MYO9A: variants seen among roughly 807,000 people sequenced by gnomAD.
MYO9A encodes the protein unconventional myosin-IXa.
Under a neutral mutation model 293.3 loss-of-function variants are expected in MYO9A, and 103 were observed. The ratio of observed to expected loss-of-function variants is 0.35; its 90% CI spans 0.30 to 0.41. The LOEUF is 0.41. MYO9A is among the 10% of genes least tolerant of loss of function. The pLI is 1.00. For synonymous variants in MYO9A, 1,001 were observed against 1,035.7 expected (o/e 0.97, Z 0.64); for missense variants, 2,685 against 3,033.0 (o/e 0.89, Z 2.69).
chr15:71,974,988 C>T (rs1055695025), intron 12 of MYO9A, among the ~76,000 whole-genome samples: 1 of 152,176 alleles, frequency 6.6e-6, no homozygotes, highest in African/African-American at 2.4e-5. Context: ...ATTACATTAA[C>T]ACATTTAAAG....
Position 71,827,050 on chromosome 15 carries a change from C to A in MYO9A, c.7184-7G>T. On this transcript the variant is annotated splice_polypyrimidine_tract_variant and splice_region_variant and intron_variant, in intron 41 of 41. Coordinates refer to ENST00000356056, the MANE Select transcript of MYO9A (RefSeq NM_006901.4). ...CTAAGGGCTAAGCTTCTTTCTAATG[C>A]AAAAAAGAGACCAAAGATGTAAATG... The A allele has an allele frequency of 1.3e-6, 2 of 1,542,026 alleles. No homozygotes were observed. The highest frequency in any genetic ancestry group is 1.3e-5 in the South Asian group (1 of 79,584).
chr15:72,068,193 G>A (rs2079077010), intron 1 of MYO9A, among the ~76,000 whole-genome samples: 1 of 151,972 alleles, frequency 6.6e-6, no homozygotes, highest in Non-Finnish European at 1.5e-5. Flanking sequence ...TCTACATAAA[G>A]ATATTAAGTA....
Position 71,854,538 on chromosome 15 carries a change from C to T in MYO9A, c.6185G>A (p.Gly2062Glu). 1 of 1,604,318 alleles carries T rather than the reference C, an allele frequency of 6.2e-7. No individual in the cohort carries two copies. Among genetic ancestry groups the T allele is most frequent in the Non-Finnish European group, 8.5e-7 (1 of 1,176,576 alleles). The change falls in exon 35 of 42, where the codon GGG becomes GAG. Residue 2062 changes from glycine to glutamate, a missense_variant. Gly to Glu is a moderately conservative substitution (Grantham distance 98). This residue lies in a region of MYO9A where 238 missense variants were observed against 269.1 expected (regional missense o/e 0.88). Transcript: ENST00000356056. ...YDPELSSRQF[G>E]VELSRLTSED... ...ACTGGTCAAACGGGACAGTTCAACC[C>T]CAAATTGTCGAGATGACAGCTCTGG...
intron 19 of MYO9A, among the ~76,000 whole-genome samples, chr15:71,911,646 A>G (rs16956382): frequency 0.013 from 1,916 of 152,322 alleles, 57 homozygotes; most frequent in Admixed American, 0.057. Context: ...CTTTTAAAAA[A>G]CTACTAAGTA....
chr15:72,054,603 A>C (rs2078664543), intron 1 of MYO9A, among the ~76,000 whole-genome samples: 1 of 145,450 alleles, frequency 6.9e-6, no homozygotes, highest in African/African-American at 2.5e-5. Context: ...CCCAGGAGGC[A>C]GACGTTGAAG....
At position 71,880,565 on chromosome 15, in the gene MYO9A, T is replaced by C. The variant is rs370578066; in HGVS notation, c.5399-7A>G. ...GGGTGATATGCAGCTAATTCTACAA[T>C]TCAAGATAGAAGACCCAAAAGGACA... On this transcript the variant is annotated splice_region_variant and splice_polypyrimidine_tract_variant and intron_variant, in intron 28 of 41. Coordinates refer to ENST00000356056, the MANE Select transcript of MYO9A (RefSeq NM_006901.4). 6.2e-7 allele frequency: 1 copy of C among 1,608,818 alleles called. No individual in the cohort carries two copies. The highest frequency in any genetic ancestry group is 8.5e-7 in the Non-Finnish European group (1 of 1,176,622).
intron 12 of MYO9A, among the ~76,000 whole-genome samples, chr15:71,976,880 C>T (rs1257533178): frequency 6.6e-6 from 1 of 152,168 alleles, no homozygotes; most frequent in Non-Finnish European, 1.5e-5. Context: ...AATCATCTTA[C>T]CTCTAATAGT....
intron 1 of MYO9A, among the ~76,000 whole-genome samples, chr15:72,101,272 G>A (rs1261948841): frequency 4.7e-5 from 6 of 126,804 alleles, no homozygotes; most frequent in African/African-American, 1.5e-4. Flanking sequence ...CCGGCCAGCC[G>A]CCCCGTCAGG....
In MYO9A at chr15:71,928,440, T is replaced by C. The variant is rs186101488; in HGVS notation, c.2562+5230A>G. Among the ~76,000 whole-genome samples the C allele has an allele frequency of 3.1e-3, 467 of 152,086 alleles. 6 individuals are homozygous for C. The highest frequency in any genetic ancestry group is 3.2e-3 in the Admixed American group (49 of 15,268). ...TGGCTATTTGGGGTTTTTTTGTGTA[T>C]TCATATGAATTTCAGGATTTTTTTT... is the stretch of plus-strand genomic sequence containing the variant. On this transcript the variant is annotated intron_variant, in intron 18 of 41. Transcript: ENST00000356056.
chr15:72,056,090 T>C (rs559901247), intron 1 of MYO9A, among the ~76,000 whole-genome samples: 2 of 152,232 alleles, frequency 1.3e-5, no homozygotes, highest in East Asian at 1.9e-4. Context: ...TAGCTGGGCA[T>C]GGTGGCACGG....
intron 8 of MYO9A, among the ~76,000 whole-genome samples, chr15:72,002,261 T>C (rs535648677): frequency 7.4e-4 from 113 of 152,010 alleles, no homozygotes; most frequent in African/African-American, 2.6e-3. Flanking sequence ...TTTTTTTTTT[T>C]TTTTAGACAG....
chr15:71,902,873 A>G, intron 22 of MYO9A, 68 bp downstream of exon 22: 1 of 1,234,976 alleles, frequency 8.1e-7, no homozygotes. Context: ...ACAATCTCAT[A>G]GGCAAAAATT....
intron 39 of MYO9A, among the ~76,000 whole-genome samples, chr15:71,838,476 C>T (rs942896458): frequency 1.2e-4 from 19 of 152,244 alleles, no homozygotes; most frequent in African/African-American, 4.6e-4. Flanking sequence ...ACTCTTAATG[C>T]AAGTACTGGA....
intron 14 of MYO9A, among the ~76,000 whole-genome samples, chr15:71,956,131 C>G (rs993658196): frequency 2.0e-5 from 3 of 149,300 alleles, no homozygotes; most frequent in African/African-American, 7.4e-5. Flanking sequence ...ACAGCAAGAC[C>G]CACCTCCAAA....
chr15:72,041,653 T>C (rs2078229506), intron 2 of MYO9A: 2 of 229,470 alleles, frequency 8.7e-6, no homozygotes, highest in South Asian at 7.9e-5. Context: ...TCGTACACCA[T>C]GGTGAGCTGG....
At chr15:71,865,366 A>G (rs1474081975) in intron 32 of MYO9A, among the ~76,000 whole-genome samples, 2 of 152,240 alleles carry the variant, frequency 1.3e-5, no homozygotes, top group Non-Finnish European at 2.9e-5. Flanking sequence ...ATGAATTTTC[A>G]TAGCAGCATT....
chr15:71,960,576 G>A lies in MYO9A; in HGVS notation c.1987-480C>T, dbSNP rs576130171. Among the ~76,000 whole-genome samples, 153 of 152,262 alleles carry A rather than the reference G, an allele frequency of 1.0e-3. 1 individual carries two copies. The highest frequency in any genetic ancestry group is 1.5e-3 in the Admixed American group (23 of 15,294). ...GTTTCTTTATAGAAACATAAGAATG[G>A]ACTAACCCAAGTGACATGTTTGAAC... On this transcript the variant is annotated intron_variant, in intron 13 of 41. Transcript: ENST00000356056.
chr15:72,020,170 C>T (rs1013524246), intron 5 of MYO9A, among the ~76,000 whole-genome samples: 2 of 151,962 alleles, frequency 1.3e-5, no homozygotes, highest in Non-Finnish European at 2.9e-5. Flanking sequence ...GATTTATTTC[C>T]GTAGACATTA....
chr15:71,862,562 G>A lies in MYO9A; in HGVS notation c.6029C>T (p.Pro2010Leu). The A allele has an allele frequency of 6.2e-7, 1 of 1,613,536 alleles. No individual in the cohort carries two copies. Among genetic ancestry groups the A allele is most frequent in the Admixed American group, 1.7e-5 (1 of 59,984 alleles). Residue 2010 changes from proline (P) to leucine (L), a missense_variant, in exon 33 of 42, where the codon CCT (proline) becomes CTT (leucine). This residue lies in a region of MYO9A where 14 missense variants were observed against 38.0 expected (regional missense o/e 0.37). Transcript: ENST00000356056. Reference protein sequence around the residue: ...HIFKATQYSIPTYCEYCSSLI... With the variant: ...HIFKATQYSILTYCEYCSSLI... ...AGAAGAACAGTATTCACAGTATGTA[G>A]GGATGCTATATTGGGTGGCTTTAAA...
Sources: allele counts gnomAD v4.1 joint callset (sites outside exome capture counted in the v4.1 genomes callset), GRCh38; gene constraint gnomAD v4.1.1; regional missense constraint gnomAD v4.1.1; transcripts MANE v1.5; gene names NCBI Gene and HGNC (gene_info 2026-07-23, HGNC 2026-07-21).